Variants in PSMD12 observed in about 807,000 individuals in gnomAD.
PSMD12 encodes proteasome 26S subunit, non-ATPase 12, also known as 26S proteasome non-ATPase regulatory subunit 12.
Under a neutral mutation model 62.9 loss-of-function variants are expected in PSMD12, and 8 were observed. The observed-to-expected ratio is 0.13, with a 90% CI of 0.07 to 0.23. PSMD12 has a LOEUF of 0.23. PSMD12 is among the 10% of genes least tolerant of loss of function. The pLI, the probability that PSMD12 is intolerant of heterozygous loss-of-function variation, is 1.00. For missense variants in PSMD12, 424 were observed against 550.2 expected, an observed-to-expected ratio of 0.77 and a Z score of 2.29; for synonymous variants, 173 against 187.4, an observed-to-expected ratio of 0.92 and a Z score of 0.63.
At chr17:67,365,533 C>G (rs1185635436) in intron 1 of PSMD12, among the ~76,000 whole-genome samples, 1 of 152,148 alleles carries the variant, frequency 6.6e-6, no homozygotes, top group African/African-American at 2.4e-5. Flanking sequence ...AGTTTTCCCA[C>G]CCTTATGTAA....
chr17:67,347,315 T>C, intron 6 of PSMD12, 21 bp downstream of exon 6: 1 of 1,612,148 alleles, frequency 6.2e-7, no homozygotes, highest in Non-Finnish European at 8.5e-7. Context: ...AAAGTAAACA[T>C]GTGGTCACAG....
intron 1 of PSMD12, among the ~76,000 whole-genome samples, chr17:67,365,997 C>A (rs1319051891): frequency 1.3e-5 from 2 of 152,198 alleles, no homozygotes; most frequent in Non-Finnish European, 2.9e-5. Context: ...AAAGACCAGG[C>A]ACATAGCCAT....
rs768516300 is a variant in PSMD12, at chr17:67,366,415, G to A, written c.105C>T (p.Ala35=). ...CAGCCAGCCGGCCTCTCCTCACCTT[G>A]GCTAGCTTCGCACACTCGGGTAGGC... The part of the protein sequence containing the change: ...DQRLPECAKL[A]KEGRLQEVIE... The change falls in exon 1 of 11, where the codon GCC becomes GCT. Residue 35 remains alanine (A), a synonymous_variant. Transcript: ENST00000356126. 7 of 1,610,488 alleles carry A rather than the reference G, an allele frequency of 4.3e-6. No individual in the cohort carries two copies. The highest frequency in any genetic ancestry group is 5.9e-6 in the Non-Finnish European group (7 of 1,177,996).
chr17:67,344,928 A>G, intron 8 of PSMD12, 148 bp from the exon 9 acceptor site: 1 of 682,808 alleles, frequency 1.5e-6, no homozygotes. Context: ...TGTGTATTTT[A>G]CCAACTTTAT....
At position 67,340,140 on chromosome 17, in the gene PSMD12, A is replaced by C. The variant is rs1361603144; in HGVS notation, c.*703T>G. ...GTCACTATCCCTATAGAGCGGACTT[A>C]ACACCCAATAAACTGTGTCAATTAT... is the stretch of plus-strand genomic sequence containing the variant. On this transcript the variant is annotated 3_prime_UTR_variant, in exon 11 of 11. Transcript: ENST00000356126. The C allele has an allele frequency of 6.7e-6, 1 of 149,682 alleles. No individual in the cohort carries two copies. The highest frequency in any genetic ancestry group is 1.5e-5 in the Non-Finnish European group (1 of 67,482). 9.3% of individuals were successfully genotyped at this position (149,682 alleles called of 1,614,324 possible).
chr17:67,364,434 CTTTT>C (rs1166739463), intron 1 of PSMD12, among the ~76,000 whole-genome samples: 2 of 152,272 alleles, frequency 1.3e-5, no homozygotes, highest in Non-Finnish European at 2.9e-5. Flanking sequence ...GCAGTGAAGT[CTTTT>C]TTCTTACTGA....
chr17:67,350,614 G>A (rs1205597270), intron 3 of PSMD12, among the ~76,000 whole-genome samples: 1 of 152,232 alleles, frequency 6.6e-6, no homozygotes, highest in African/African-American at 2.4e-5. Context: ...AGAGAAAGCA[G>A]AGGTCCACAG....
intron 3 of PSMD12, among the ~76,000 whole-genome samples, chr17:67,354,835 C>T (rs759346523): frequency 6.6e-6 from 1 of 151,514 alleles, no homozygotes; most frequent in Non-Finnish European, 1.5e-5. Flanking sequence ...ACTGAAAATA[C>T]AAAAATTAGC....
At position 67,347,152 on chromosome 17, in the gene PSMD12, A is replaced by C; in HGVS notation, c.759T>G (p.Thr253=). ...TTTCACTTTCTGCCTGTATACAGGG[A>C]GTATCATATATTGCTCTGTAGTGCT... is the stretch of plus-strand genomic sequence containing the variant. ...ICKHYRAIYD[T]PCIQAESEKW... The change falls in exon 7 of 11, where the codon ACT becomes ACG. Residue 253 remains threonine (T), a synonymous_variant. Transcript: ENST00000356126. The C allele has an allele frequency of 6.2e-7, 1 of 1,612,390 alleles. No individual in the cohort carries two copies. The highest frequency in any genetic ancestry group is 8.5e-7 in the Non-Finnish European group (1 of 1,178,940).
At chr17:67,354,969 G>A (rs760258869) in intron 3 of PSMD12, among the ~76,000 whole-genome samples, 1 of 152,058 alleles carries the variant, frequency 6.6e-6, no homozygotes, top group Non-Finnish European at 1.5e-5. Context: ...CAGCCTGGGG[G>A]ACAGAGCAAG....
At position 67,338,859 on chromosome 17, in the gene PSMD12, T is replaced by C. The variant is rs2143671745; in HGVS notation, c.*1984A>G. The C allele has an allele frequency of 6.6e-6, 1 of 151,768 alleles. No homozygotes were observed. The highest frequency in any genetic ancestry group is 2.4e-5 in the African/African-American group (1 of 41,386). 9.4% of individuals were successfully genotyped at this position (151,768 alleles called of 1,614,324 possible). A position where few individuals can be genotyped will look rare whatever the true frequency, so the allele number is the denominator to read the frequency against. On this transcript the variant is annotated 3_prime_UTR_variant, in exon 11 of 11. Transcript: ENST00000356126. ...AAGAGTGAAACTCCGTCTCAAAAAA[T>C]ATGAAAAAAATAAAGAGGAGGAACA...
At chr17:67,366,119 T>C (rs2042176391) in intron 1 of PSMD12, among the ~76,000 whole-genome samples, 1 of 152,106 alleles carries the variant, frequency 6.6e-6, no homozygotes, top group Non-Finnish European at 1.5e-5. Context: ...ACTACTAAGG[T>C]AAATATCACT....
At chr17:67,355,732 G>A (rs749359895) in intron 3 of PSMD12, among the ~76,000 whole-genome samples, 1 of 152,012 alleles carries the variant, frequency 6.6e-6, no homozygotes, top group Non-Finnish European at 1.5e-5. Flanking sequence ...AGAAGAATAA[G>A]GAAACAGTAA....
At chr17:67,345,226 G>A (rs549160098) in intron 8 of PSMD12, among the ~76,000 whole-genome samples, 3 of 152,250 alleles carry the variant, frequency 2.0e-5, no homozygotes, top group African/African-American at 7.2e-5. Context: ...CACTTGATAA[G>A]CAATTTAGAA....
intron 9 of PSMD12, among the ~76,000 whole-genome samples, chr17:67,344,046 TGTAAA>T (rs1372005190): frequency 3.3e-5 from 5 of 152,146 alleles, no homozygotes; most frequent in Non-Finnish European, 5.9e-5. Context: ...CCTGGTGCTT[TGTAAA>T]GTGTCTGGCA....
rs990840771 is a variant in PSMD12, at chr17:67,340,558, C to T, written c.*285G>A. ...TGTTTGTTAGTTGAATGAAAACAAA[C>T]AGTAGCTAAAAAGGTTTCAAATGAT... On this transcript the variant is annotated 3_prime_UTR_variant, in exon 11 of 11. Coordinates refer to ENST00000356126, the MANE Select transcript of PSMD12 (RefSeq NM_002816.5). 52 of 270,902 alleles carry T rather than the reference C, an allele frequency of 1.9e-4. No homozygotes were observed. Among genetic ancestry groups the T allele is most frequent in the African/African-American group, 1.1e-3 (50 of 45,212 alleles). 16.8% of individuals were successfully genotyped at this position (270,902 alleles called of 1,614,324 possible).
At chr17:67,355,089 GTT>G (rs533603458) in intron 3 of PSMD12, among the ~76,000 whole-genome samples, 51 of 121,368 alleles carry the variant, frequency 4.2e-4, no homozygotes, top group East Asian at 3.5e-3. Context: ...CATATTTTTG[GTT>G]TTTTTTTTTT....
chr17:67,356,138 T>C (rs565398037), intron 3 of PSMD12, among the ~76,000 whole-genome samples: 5 of 152,028 alleles, frequency 3.3e-5, no homozygotes, highest in Non-Finnish European at 7.4e-5. Flanking sequence ...GAAACAATCT[T>C]AGTATTTGTT....
chr17:67,341,469 C>CAAAAA (rs71368819), intron 10 of PSMD12, among the ~76,000 whole-genome samples: 518 of 50,898 alleles, frequency 0.01, 48 homozygotes, highest in African/African-American at 0.029. Context: ...GACTCTGCCT[C>CAAAAA]AAAAAAAAAA....
Sources: gnomAD v4.1 joint callset for allele counts (sites outside exome capture counted in the v4.1 genomes callset) on GRCh38, gnomAD v4.1.1 for gene constraint, MANE v1.5 for transcripts, NCBI Gene and HGNC (gene_info 2026-07-23, HGNC 2026-07-21) for gene names.